Variants in CNTNAP5 observed in about 807,000 individuals in gnomAD.
The protein encoded by CNTNAP5 is contactin associated protein family member 5.
Under a neutral mutation model 150.2 loss-of-function variants are expected in CNTNAP5, and 72 were observed. The observed-to-expected ratio is 0.48, with a 90% CI of 0.40 to 0.58. The LOEUF (loss-of-function observed/expected upper bound fraction) is 0.58, where lower values mean the gene tolerates loss of function less well. Among genes scored for constraint, CNTNAP5 ranks in the 20% least tolerant of loss-of-function variants. CNTNAP5 has a pLI of 0.00. For missense variants in CNTNAP5, 1,636 were observed against 1,626.2 expected (o/e 1.01, Z -0.10); for synonymous variants, 672 against 619.8 (o/e 1.08, Z -1.25).
chr2:124,828,816 A>G (rs1483410492), intron 19 of CNTNAP5, among the ~76,000 whole-genome samples: 1 of 147,336 alleles, frequency 6.8e-6, no homozygotes, highest in Non-Finnish European at 1.5e-5. Context: ...CAAAAGTCTT[A>G]CTGAAGACTA....
At position 124,919,340 on chromosome 2, in the gene CNTNAP5, G is replaced by A. The variant is rs544585964; in HGVS notation, c.*5052G>A. Among the ~76,000 whole-genome samples, 1 of 152,194 alleles carries A rather than the reference G, an allele frequency of 6.6e-6. No individual in the cohort carries two copies. The highest frequency in any genetic ancestry group is 6.5e-5 in the Admixed American group (1 of 15,270). On this transcript the variant is annotated 3_prime_UTR_variant, in exon 24 of 24. Coordinates refer to ENST00000682447, the MANE Select transcript of CNTNAP5 (RefSeq NM_001367498.1). Reference sequence around the variant, plus strand: ...CTTATTTTGCACTAAGGTACTCTGAGGAAGAACAGAAAAGCACATTTTCTA... The same window carrying A: ...CTTATTTTGCACTAAGGTACTCTGAAGAAGAACAGAAAAGCACATTTTCTA...
rs62173266 is a variant in CNTNAP5, at chr2:124,851,579, A to G, written c.3218-13727A>G. 3.0e-3 allele frequency among the ~76,000 whole-genome samples: 456 copies of G among 152,304 alleles called. 7 individuals carry two copies. The South Asian group carries it at 0.04, about 13-fold the overall frequency. ...ATTAATGAAAGGAAAGTCAGCACAT[A>G]GGGGTTCAGCTATTGACACGTCAGT... is the stretch of plus-strand genomic sequence containing the variant. On this transcript the variant is annotated intron_variant, in intron 19 of 23. Transcript: ENST00000682447.
At chr2:124,812,045 ATATTTATATAT>A (rs1236737346) in intron 19 of CNTNAP5, among the ~76,000 whole-genome samples, 1 of 80,190 alleles carries the variant, frequency 1.2e-5, no homozygotes, top group Non-Finnish European at 2.3e-5. Flanking sequence ...TATATAATTT[ATATTTATATAT>A]TATATAATAT....
intron 3 of CNTNAP5, among the ~76,000 whole-genome samples, chr2:124,285,485 T>C (rs1688126448): frequency 1.3e-5 from 2 of 152,136 alleles, no homozygotes; most frequent in South Asian, 4.1e-4. Flanking sequence ...ACTTTCTGTC[T>C]TTCTACGTGC....
At chr2:124,064,812 G>T (rs577880312) in intron 1 of CNTNAP5, among the ~76,000 whole-genome samples, 11 of 151,964 alleles carry the variant, frequency 7.2e-5, no homozygotes, top group Non-Finnish European at 1.3e-4. Context: ...TAAAGCATGT[G>T]GTTTTCCCAC....
intron 3 of CNTNAP5, among the ~76,000 whole-genome samples, chr2:124,315,925 G>T (rs900687031): frequency 1.3e-5 from 2 of 152,202 alleles, no homozygotes; most frequent in African/African-American, 2.4e-5. Context: ...GAACAGAAAA[G>T]ATGGCTCTCC....
At chr2:124,776,183 A>C (rs983204599) in intron 17 of CNTNAP5, among the ~76,000 whole-genome samples, 1 of 152,174 alleles carries the variant, frequency 6.6e-6, no homozygotes, top group Admixed American at 6.6e-5. Context: ...GATCTTTCAA[A>C]ATATGCGGCA....
chr2:124,153,471 G>A (rs1365950098), intron 1 of CNTNAP5, among the ~76,000 whole-genome samples: 2 of 152,012 alleles, frequency 1.3e-5, no homozygotes, highest in African/African-American at 2.4e-5. Context: ...TCATAGTTCT[G>A]GAGGATGGAT....
At chr2:124,127,664 A>T (rs1202348536) in intron 1 of CNTNAP5, among the ~76,000 whole-genome samples, 1 of 152,240 alleles carries the variant, frequency 6.6e-6, no homozygotes, top group African/African-American at 2.4e-5. Flanking sequence ...AAGCTATAGT[A>T]CAAGGCTACA....
chr2:124,272,634 C>T (rs914973766), intron 3 of CNTNAP5, among the ~76,000 whole-genome samples: 1 of 152,170 alleles, frequency 6.6e-6, no homozygotes, highest in African/African-American at 2.4e-5. Flanking sequence ...TTGAATACAG[C>T]TTCCTCACCA....
At chr2:124,835,538 G>T (rs1024600023) in intron 19 of CNTNAP5, among the ~76,000 whole-genome samples, 2 of 152,120 alleles carry the variant, frequency 1.3e-5, no homozygotes, top group African/African-American at 4.8e-5. Flanking sequence ...CGACATCCAG[G>T]TCCATGCCAG....
intron 14 of CNTNAP5, among the ~76,000 whole-genome samples, chr2:124,757,098 T>C (rs1431407126): frequency 6.6e-6 from 1 of 152,134 alleles, no homozygotes; most frequent in Non-Finnish European, 1.5e-5. Flanking sequence ...CTCCCCAAAA[T>C]AGGGCTGCTG....
chr2:124,777,400 A>G (rs1326391360), intron 17 of CNTNAP5, among the ~76,000 whole-genome samples: 1 of 152,042 alleles, frequency 6.6e-6, no homozygotes, highest in Non-Finnish European at 1.5e-5. Context: ...TTTGAAACAG[A>G]GTCTCTCTCC....
intron 3 of CNTNAP5, among the ~76,000 whole-genome samples, chr2:124,375,254 A>G (rs537491726): frequency 0.01 from 1,548 of 152,196 alleles, 24 homozygotes; most frequent in African/African-American, 0.035. Context: ...TACAAAGAAA[A>G]AAAAACAGTA....
At chr2:124,715,549 C>T (rs1342989428) in intron 13 of CNTNAP5, among the ~76,000 whole-genome samples, 1 of 152,124 alleles carries the variant, frequency 6.6e-6, no homozygotes, top group African/African-American at 2.4e-5. Context: ...TTCTAGGGTA[C>T]ATGTGCACAA....
intron 17 of CNTNAP5, among the ~76,000 whole-genome samples, chr2:124,776,601 C>A (rs1377429531): frequency 2.6e-5 from 4 of 152,158 alleles, no homozygotes; most frequent in Non-Finnish European, 5.9e-5. Context: ...CCTCAGTCTC[C>A]TCTTGGAATA....
intron 3 of CNTNAP5, among the ~76,000 whole-genome samples, chr2:124,248,248 T>A (rs1460382964): frequency 1.3e-5 from 2 of 152,182 alleles, no homozygotes; most frequent in Admixed American, 6.5e-5. Context: ...GGGATATATC[T>A]AGAATCTTCC....
intron 3 of CNTNAP5, among the ~76,000 whole-genome samples, chr2:124,293,155 A>AT (rs141270961): frequency 1.3e-5 from 2 of 152,084 alleles, no homozygotes; most frequent in African/African-American, 2.4e-5. Flanking sequence ...AAATTTTTAA[A>AT]TTTTTTTATA....
rs114774020 is a variant in CNTNAP5, at chr2:124,283,689, G to A, written c.381+41296G>A. Among the ~76,000 whole-genome samples the A allele has an allele frequency of 3.4e-3, 511 of 152,274 alleles. 2 individuals carry two copies. Among genetic ancestry groups the A allele is most frequent in the Middle Eastern group, 0.031 (9 of 294 alleles). On this transcript the variant is annotated intron_variant, in intron 3 of 23. Transcript: ENST00000682447. ...GCTGTAATAAAATACTACATACGAG[G>A]TGACTTATAAGCAATATATTTATTT...
Sources: gnomAD v4.1 joint callset for allele counts (sites outside exome capture counted in the v4.1 genomes callset) on GRCh38, gnomAD v4.1.1 for gene constraint, MANE v1.5 for transcripts, NCBI Gene and HGNC (gene_info 2026-07-23, HGNC 2026-07-21) for gene names.